The following PTPRD variants were observed in gnomAD, a reference collection of about 807,000 sequenced individuals.
PTPRD encodes protein tyrosine phosphatase receptor type D.
PTPRD carries 34 observed loss-of-function variants against 214.5 expected under a neutral mutation model. That is an observed-to-expected ratio of 0.16 (90% CI 0.12 to 0.21). The LOEUF (loss-of-function observed/expected upper bound fraction) is 0.21, where lower values mean the gene tolerates loss of function less well. Among genes scored for constraint, PTPRD ranks in the 10% least tolerant of loss-of-function variants. The pLI, the probability that PTPRD is intolerant of heterozygous loss-of-function variation, is 1.00. For missense variants in PTPRD, 2,545 were observed against 2,398.7 expected, an observed-to-expected ratio of 1.06 and a Z score of -1.27; for synonymous variants, 1,128 against 845.7, an observed-to-expected ratio of 1.33 and a Z score of -5.79.
intron 12 of PTPRD, among the ~76,000 whole-genome samples, chr9:8,638,747 A>T (rs1473256664): frequency 6.6e-6 from 1 of 152,222 alleles, no homozygotes; most frequent in Non-Finnish European, 1.5e-5. Context: ...ACCCTGCTAG[A>T]GATCATAACC....
At chr9:8,680,138 T>C (rs1283474483) in intron 12 of PTPRD, among the ~76,000 whole-genome samples, 9 of 152,004 alleles carry the variant, frequency 5.9e-5, no homozygotes, top group Middle Eastern at 3.2e-3. Context: ...ATTTATATTA[T>C]CTATTTAAAA....
chr9:9,801,972 T>C (rs2099043447), intron 5 of PTPRD, among the ~76,000 whole-genome samples: 1 of 152,044 alleles, frequency 6.6e-6, no homozygotes, highest in Admixed American at 6.6e-5. Context: ...GCTTGGATAA[T>C]TTTCAAAATT....
At chr9:8,491,417 T>C (rs2097146514) in intron 27 of PTPRD, among the ~76,000 whole-genome samples, 2 of 152,210 alleles carry the variant, frequency 1.3e-5, no homozygotes, top group Non-Finnish European at 2.9e-5. Flanking sequence ...CATCATAACA[T>C]GACCCCATTT....
intron 4 of PTPRD, among the ~76,000 whole-genome samples, chr9:9,939,116 G>A (rs949968107): frequency 6.6e-6 from 1 of 151,724 alleles, no homozygotes; most frequent in Non-Finnish European, 1.5e-5. Flanking sequence ...TTCTCAACTT[G>A]AGAGACACTG....
At chr9:9,421,736 C>G (rs1256675169) in intron 8 of PTPRD, among the ~76,000 whole-genome samples, 2 of 152,010 alleles carry the variant, frequency 1.3e-5, no homozygotes, top group African/African-American at 4.8e-5. Flanking sequence ...CAGCTGTACC[C>G]TTATTGAAAA....
At chr9:9,382,681 G>A (rs4641122) in intron 9 of PTPRD, among the ~76,000 whole-genome samples, 36,291 of 151,900 alleles carry the variant, frequency 0.24, 4,393 homozygotes, top group Middle Eastern at 0.37. Flanking sequence ...CAGAGAAATT[G>A]GGACTCTTGC....
intron 5 of PTPRD, among the ~76,000 whole-genome samples, chr9:9,897,846 G>C (rs887024719): frequency 2.6e-5 from 4 of 152,054 alleles, no homozygotes; most frequent in African/African-American, 9.7e-5. Flanking sequence ...GCATTGGTAA[G>C]CTTTCCTCTG....
intron 44 of PTPRD, among the ~76,000 whole-genome samples, chr9:8,322,627 C>T (rs1464279991): frequency 6.6e-6 from 1 of 152,144 alleles, no homozygotes; most frequent in South Asian, 2.1e-4. Flanking sequence ...AGGAAGGAAG[C>T]CAACCCCATA....
At chr9:8,859,282 T>C (rs556860665) in intron 11 of PTPRD, among the ~76,000 whole-genome samples, 2 of 152,216 alleles carry the variant, frequency 1.3e-5, no homozygotes, top group Non-Finnish European at 2.9e-5. Context: ...TAGACAAGCA[T>C]CCAGTTGTTG....
At chr9:8,450,957 A>G (rs1393861406) in intron 33 of PTPRD, among the ~76,000 whole-genome samples, 1 of 152,116 alleles carries the variant, frequency 6.6e-6, no homozygotes, top group Admixed American at 6.5e-5. Context: ...GGTGCTGCAC[A>G]GTGTTTAGGA....
At chr9:9,251,599 T>C (rs1459584795) in intron 9 of PTPRD, among the ~76,000 whole-genome samples, 3 of 152,114 alleles carry the variant, frequency 2.0e-5, no homozygotes, top group African/African-American at 7.2e-5. Flanking sequence ...ATTTTTTCAT[T>C]ACAGACTTTG....
At chr9:8,635,671 C>T (rs1032350258) in intron 13 of PTPRD, among the ~76,000 whole-genome samples, 1 of 151,910 alleles carries the variant, frequency 6.6e-6, no homozygotes, top group Non-Finnish European at 1.5e-5. Context: ...CTAGAAATTG[C>T]CTTTAATCTG....
intron 4 of PTPRD, among the ~76,000 whole-genome samples, chr9:9,969,595 CAG>C (rs943732515): frequency 1.4e-4 from 21 of 152,284 alleles, no homozygotes; most frequent in Middle Eastern, 3.4e-3. Context: ...ATTGTAAACA[CAG>C]AGCACAGAAT....
At chr9:10,504,475 C>T (rs1029935961) in intron 2 of PTPRD, among the ~76,000 whole-genome samples, 3 of 152,018 alleles carry the variant, frequency 2.0e-5, no homozygotes, top group Admixed American at 6.6e-5. Flanking sequence ...GCCTCAGAAA[C>T]GATGGACATT....
At chr9:10,416,493 A>G (rs1367457642) in intron 2 of PTPRD, among the ~76,000 whole-genome samples, 1 of 151,974 alleles carries the variant, frequency 6.6e-6, no homozygotes, top group East Asian at 1.9e-4. Context: ...TAAAAGAAAT[A>G]GGAAGAAAAA....
chr9:10,429,857 C>T (rs536749305), intron 2 of PTPRD, among the ~76,000 whole-genome samples: 4 of 151,968 alleles, frequency 2.6e-5, no homozygotes, highest in South Asian at 4.2e-4. Flanking sequence ...GTAAGTAGGG[C>T]ATTGTTCCCC....
At chr9:9,004,041 G>A (rs2099440228) in intron 11 of PTPRD, among the ~76,000 whole-genome samples, 1 of 151,988 alleles carries the variant, frequency 6.6e-6, no homozygotes, top group South Asian at 2.1e-4. Flanking sequence ...GTATTCTTGT[G>A]CTTATGTTTC....
intron 6 of PTPRD, among the ~76,000 whole-genome samples, chr9:9,752,009 A>G (rs929269492): frequency 6.6e-6 from 1 of 152,122 alleles, no homozygotes; most frequent in African/African-American, 2.4e-5. Context: ...TATTCGATTT[A>G]TTCTTCATTT....
intron 11 of PTPRD, among the ~76,000 whole-genome samples, chr9:8,750,207 G>A (rs1177216785): frequency 6.6e-6 from 1 of 152,118 alleles, no homozygotes; most frequent in African/African-American, 2.4e-5. Flanking sequence ...TCCGAGGCTG[G>A]AGTGCCTTGG....
Sources: gnomAD v4.1 joint callset for allele counts (sites outside exome capture counted in the v4.1 genomes callset) on GRCh38, gnomAD v4.1.1 for gene constraint, MANE v1.5 for transcripts, NCBI Gene and HGNC (gene_info 2026-07-23, HGNC 2026-07-21) for gene names.